Variants in KDM4B observed in about 807,000 individuals in gnomAD.
KDM4B encodes lysine-specific demethylase 4B.
KDM4B carries 32 observed loss-of-function variants against 125.2 expected under a neutral mutation model. The observed-to-expected ratio is 0.26, with a 90% CI of 0.19 to 0.34. KDM4B has a LOEUF of 0.34. Ranked by LOEUF, KDM4B falls within the 10% of genes least tolerant of loss-of-function variation. KDM4B has a pLI of 1.00. For synonymous variants in KDM4B, 721 were observed against 677.9 expected, an observed-to-expected ratio of 1.06 and a Z score of -0.99; for missense variants, 1,190 against 1,577.7, an observed-to-expected ratio of 0.75 and a Z score of 4.16.
chr19:5,091,050 A>G (rs1430827470), intron 9 of KDM4B, among the ~76,000 whole-genome samples: 1 of 152,206 alleles, frequency 6.6e-6, no homozygotes, highest in Non-Finnish European at 1.5e-5. Context: ...GGATGTTCCT[A>G]TTTCACTCAA....
intron 18 of KDM4B, chr19:5,138,364 C>T: frequency 2.4e-6 from 1 of 409,376 alleles, no homozygotes; most frequent in Non-Finnish European, 4.4e-6. Context: ...GCACCCCATG[C>T]AGTTTCCACC....
Position 5,077,349 on chromosome 19 carries a change from C to A in KDM4B, c.677-18C>A, listed in dbSNP as rs756129002. On this transcript the variant is annotated intron_variant, in intron 7 of 22. Transcript: ENST00000159111. ...CGGCTGTGGCCCAGGAGACTGACGT[C>A]TGTCTTTTCGGCCCTAGGCTTCTTC... 2 of 1,609,084 alleles carry A rather than the reference C, an allele frequency of 1.2e-6. No individual in the cohort carries two copies. The highest frequency in any genetic ancestry group is 2.2e-5 in the South Asian group (2 of 91,028).
At position 5,059,844 on chromosome 19, in the gene KDM4B, C is replaced by T. The variant is rs941286621; in HGVS notation, c.627-11166C>T. Among the ~76,000 whole-genome samples, 10 of 152,350 alleles carry T rather than the reference C, an allele frequency of 6.6e-5. No homozygotes were observed. The South Asian group carries it at 8.3e-4, about 13-fold the overall frequency. On this transcript the variant is annotated intron_variant, in intron 6 of 22. Coordinates refer to ENST00000159111, the MANE Select transcript of KDM4B (RefSeq NM_015015.3). The stretch of plus-strand genomic sequence containing the variant: ...CCTCCACAGCCTGCAGGTATCCAGA[C>T]GACGTTCTGCACACAGAGACTCAGA...
chr19:4,992,701 T>G (rs1214990328), intron 1 of KDM4B, among the ~76,000 whole-genome samples: 1 of 152,216 alleles, frequency 6.6e-6, no homozygotes, highest in Non-Finnish European at 1.5e-5. Flanking sequence ...TCCTCTCACC[T>G]TGGCCTCCCA....
chr19:5,090,904 G>A (rs372866919), intron 9 of KDM4B, among the ~76,000 whole-genome samples: 15 of 152,060 alleles, frequency 9.9e-5, no homozygotes, highest in South Asian at 2.1e-4. Context: ...TCCTGGGCAC[G>A]TGTCCTGTGC....
intron 1 of KDM4B, among the ~76,000 whole-genome samples, chr19:4,993,768 G>C (rs1215002827): frequency 6.6e-6 from 1 of 151,808 alleles, no homozygotes; most frequent in African/African-American, 2.4e-5. Context: ...GTGTTGCCAC[G>C]CCTGGCTAAT....
At chr19:5,005,071 C>T (rs570963174) in intron 1 of KDM4B, among the ~76,000 whole-genome samples, 4 of 152,330 alleles carry the variant, frequency 2.6e-5, no homozygotes, top group South Asian at 4.1e-4. Flanking sequence ...GTCCTGCGGC[C>T]GTCACCTGGC....
At chr19:5,048,274 G>A (rs2037094810) in intron 6 of KDM4B, among the ~76,000 whole-genome samples, 1 of 152,238 alleles carries the variant, frequency 6.6e-6, no homozygotes, top group African/African-American at 2.4e-5. Flanking sequence ...ACGTCGCAGC[G>A]AGGCCGTGTG....
At chr19:5,048,528 G>A (rs1195172707) in intron 6 of KDM4B, among the ~76,000 whole-genome samples, 1 of 152,086 alleles carries the variant, frequency 6.6e-6, no homozygotes, top group Non-Finnish European at 1.5e-5. Context: ...GGAGGAGGAC[G>A]GAGCCTTTGC....
chr19:5,021,148 A>AG (rs1377894636), intron 2 of KDM4B, among the ~76,000 whole-genome samples: 18 of 104,938 alleles, frequency 1.7e-4, no homozygotes, highest in African/African-American at 7.4e-4. Context: ...TCTCAAAAAA[A>AG]AAAAAAAAAG....
At chr19:5,024,892 G>A (rs755187210) in intron 2 of KDM4B, among the ~76,000 whole-genome samples, 12 of 152,234 alleles carry the variant, frequency 7.9e-5, no homozygotes, top group Non-Finnish European at 7.3e-5. Context: ...AGGTTTCAGT[G>A]AGCTGAGATC....
chr19:5,095,078 G>A (rs576576182), intron 9 of KDM4B, among the ~76,000 whole-genome samples: 5 of 152,252 alleles, frequency 3.3e-5, no homozygotes, highest in South Asian at 2.1e-4. Flanking sequence ...CCCTCCCCAC[G>A]CCAGGATCGC....
chr19:5,000,577 A>G (rs895842302), intron 1 of KDM4B, among the ~76,000 whole-genome samples: 1 of 152,036 alleles, frequency 6.6e-6, no homozygotes, highest in Admixed American at 6.6e-5. Context: ...GAATCCACCC[A>G]CTGCCTACCA....
chr19:5,020,470 C>T (rs753784882), intron 2 of KDM4B, among the ~76,000 whole-genome samples: 4 of 152,166 alleles, frequency 2.6e-5, no homozygotes, highest in South Asian at 2.1e-4. Context: ...CCCGTCTCCA[C>T]GGCGGCTGCA....
At chr19:5,007,225 A>G (rs1412148356) in intron 1 of KDM4B, among the ~76,000 whole-genome samples, 3 of 152,210 alleles carry the variant, frequency 2.0e-5, no homozygotes, top group Non-Finnish European at 2.9e-5. Context: ...AGGCTCTGCC[A>G]TATTGGAGAG....
chr19:5,022,105 T>C (rs1489595186), intron 2 of KDM4B, among the ~76,000 whole-genome samples: 2 of 152,224 alleles, frequency 1.3e-5, no homozygotes, highest in Non-Finnish European at 2.9e-5. Context: ...GTTGGTTTTA[T>C]GGACAGAGTC....
rs992343261 is a variant in KDM4B, at chr19:4,969,159, C to A, written c.-180C>A. Reference sequence around the variant, plus strand: ...GAGCGGGGCCCGGCCCGAGCGGGGCCTGGGGGTGCGACGCCGAGGGCGGGG... The same window carrying A: ...GAGCGGGGCCCGGCCCGAGCGGGGCATGGGGGTGCGACGCCGAGGGCGGGG... On this transcript the variant is annotated 5_prime_UTR_variant, in exon 1 of 23. It adds an upstream start codon to the 5' untranslated region. Transcript: ENST00000159111. 6.6e-6 allele frequency: 1 copy of A among 150,740 alleles called. No individual in the cohort carries two copies. Among genetic ancestry groups the A allele is most frequent in the African/African-American group, 2.4e-5 (1 of 41,198 alleles). The allele number at this position is 150,740 out of a possible 1,614,324, so 9.3% of individuals were successfully genotyped here.
At chr19:5,031,184 C>T (rs1352527690) in intron 2 of KDM4B, among the ~76,000 whole-genome samples, 1 of 152,176 alleles carries the variant, frequency 6.6e-6, no homozygotes, top group Admixed American at 6.5e-5. Flanking sequence ...GATCCTGGGG[C>T]CTGTGGGGTT....
intron 6 of KDM4B, among the ~76,000 whole-genome samples, chr19:5,062,894 C>T (rs1209885242): frequency 6.6e-6 from 1 of 151,130 alleles, no homozygotes; most frequent in Non-Finnish European, 1.5e-5. Context: ...GATCCTCCTG[C>T]CTCAGCATTC....
Sources: allele counts gnomAD v4.1 joint callset (sites outside exome capture counted in the v4.1 genomes callset), GRCh38; gene constraint gnomAD v4.1.1; transcripts MANE v1.5; gene names NCBI Gene and HGNC (gene_info 2026-07-23, HGNC 2026-07-21).